The following MSI2 variants were observed in gnomAD, a reference collection of about 807,000 sequenced individuals.
MSI2 encodes the protein RNA-binding protein Musashi homolog 2.
Under a neutral mutation model 45.6 loss-of-function variants are expected in MSI2, and 17 were observed. That is an observed-to-expected ratio of 0.37 (90% CI 0.26 to 0.56). The LOEUF is 0.56. MSI2 is among the 20% of genes least tolerant of loss of function. MSI2 has a pLI of 0.77. For synonymous variants in MSI2, 156 were observed against 158.2 expected (o/e 0.99, Z 0.11); for missense variants, 293 against 444.2 (o/e 0.66, Z 3.06).
At chr17:57,319,627 G>A (rs1913160506) in intron 5 of MSI2, among the ~76,000 whole-genome samples, 4 of 152,070 alleles carry the variant, frequency 2.6e-5, no homozygotes, top group Admixed American at 2.6e-4. Context: ...GTAGGGGTTT[G>A]TTTTTGACAG....
chr17:57,297,758 A>G (rs1911104370), intron 5 of MSI2, among the ~76,000 whole-genome samples: 1 of 152,182 alleles, frequency 6.6e-6, no homozygotes, highest in African/African-American at 2.4e-5. Context: ...CTTTTAGGTA[A>G]TATTATTAAT....
intron 7 of MSI2, among the ~76,000 whole-genome samples, chr17:57,593,872 C>T (rs539400359): frequency 2.0e-5 from 3 of 152,264 alleles, no homozygotes; most frequent in Admixed American, 1.3e-4. Flanking sequence ...GAGAGGGAGA[C>T]GCTGTCCCTG....
intron 6 of MSI2, among the ~76,000 whole-genome samples, chr17:57,445,200 T>A (rs530814208): frequency 1.3e-5 from 2 of 152,248 alleles, no homozygotes; most frequent in Non-Finnish European, 2.9e-5. Flanking sequence ...GTTTGTGAAA[T>A]TTTTAGGAGA....
intron 6 of MSI2, among the ~76,000 whole-genome samples, chr17:57,475,075 G>A (rs955932626): frequency 6.6e-6 from 1 of 152,226 alleles, no homozygotes; most frequent in Non-Finnish European, 1.5e-5. Flanking sequence ...TGAGGTGCTT[G>A]ATCCAGTGTT....
chr17:57,351,636 A>T (rs1916038926), intron 5 of MSI2, among the ~76,000 whole-genome samples: 1 of 152,168 alleles, frequency 6.6e-6, no homozygotes. Flanking sequence ...TGAGTGGATC[A>T]TCTGAGGTCA....
chr17:57,271,917 GAT>G (rs1908412358), intron 5 of MSI2, among the ~76,000 whole-genome samples: 1 of 152,082 alleles, frequency 6.6e-6, no homozygotes, highest in Non-Finnish European at 1.5e-5. Context: ...CAAAGCTTTT[GAT>G]AGTTTCCTAA....
intron 7 of MSI2, among the ~76,000 whole-genome samples, chr17:57,558,045 A>T (rs2087479311): frequency 6.6e-6 from 1 of 152,176 alleles, no homozygotes; most frequent in Non-Finnish European, 1.5e-5. Flanking sequence ...GGCATCTCTC[A>T]TAACAGCCTC....
chr17:57,419,016 G>A (rs2084346284), intron 6 of MSI2, among the ~76,000 whole-genome samples: 1 of 152,144 alleles, frequency 6.6e-6, no homozygotes, highest in Admixed American at 6.5e-5. Flanking sequence ...TTTCTCCATT[G>A]TGGTCACGTG....
intron 6 of MSI2, among the ~76,000 whole-genome samples, chr17:57,427,053 G>A (rs1296675738): frequency 3.9e-5 from 6 of 152,206 alleles, no homozygotes; most frequent in Admixed American, 3.9e-4. Flanking sequence ...TTGCTTCGAA[G>A]GTTTCTCATT....
intron 6 of MSI2, among the ~76,000 whole-genome samples, chr17:57,490,092 C>A (rs887071043): frequency 6.6e-6 from 1 of 152,154 alleles, no homozygotes; most frequent in Non-Finnish European, 1.5e-5. Context: ...TCTCCCAGGG[C>A]AAGCTCTTTA....
intron 5 of MSI2, among the ~76,000 whole-genome samples, chr17:57,385,065 A>G (rs2083662076): frequency 6.6e-6 from 1 of 152,054 alleles, no homozygotes; most frequent in African/African-American, 2.4e-5. Context: ...TATGCAAATG[A>G]TCCTTGCTTT....
rs1233486285 is a variant in MSI2 at position 57,627,740 on chromosome 17, C to CTCCTG, written c.727+441_727+442insGTCCT. ...CGCCCTTGCTTCCTTTCCTCCACCC[C>CTCCTG]TCCTCCTCCTGCTCCGTCCTGACTG... On this transcript the variant is annotated intron_variant, in intron 10 of 13. Coordinates refer to ENST00000284073, the MANE Select transcript of MSI2 (RefSeq NM_138962.4). The surrounding 1 kb of genome is among the most constrained non-coding windows in gnomAD (Gnocchi z 4.6). The CTCCTG allele has an allele frequency of 4.7e-6, 1 of 213,278 alleles. No homozygotes were observed. Among genetic ancestry groups the CTCCTG allele is most frequent in the African/African-American group, 2.3e-5 (1 of 42,820 alleles). The allele number at this position is 213,278 out of a possible 1,614,324, so 13.2% of individuals were successfully genotyped here.
intron 5 of MSI2, among the ~76,000 whole-genome samples, chr17:57,281,384 A>G (rs1909405149): frequency 6.6e-6 from 1 of 152,192 alleles, no homozygotes; most frequent in African/African-American, 2.4e-5. Flanking sequence ...TGGTGGATTG[A>G]TAATCATACT....
rs368012542 is a variant in MSI2 at position 57,292,549 on chromosome 17, C to T, written c.312+30357C>T. Among the ~76,000 whole-genome samples the T allele has an allele frequency of 1.7e-3, 265 of 151,998 alleles. 1 individual carries two copies. Among genetic ancestry groups the T allele is most frequent in the African/African-American group, 6.0e-3 (248 of 41,486 alleles). On this transcript the variant is annotated intron_variant, in intron 5 of 13. Coordinates refer to ENST00000284073, the MANE Select transcript of MSI2 (RefSeq NM_138962.4). ...AGCCAGTACTTCCATCAGAACCCCT[C>T]GGGGGTGCTTGTTAGAAATGGAGGT... is the stretch of plus-strand genomic sequence containing the variant.
intron 6 of MSI2, among the ~76,000 whole-genome samples, chr17:57,421,581 T>A (rs754074324): frequency 3.3e-5 from 5 of 152,136 alleles, no homozygotes; most frequent in Non-Finnish European, 5.9e-5. Context: ...CAGTATACTT[T>A]TACTGAGACA....
At chr17:57,677,143 C>T (rs916888757) in intron 13 of MSI2, 84 bp downstream of exon 13, 2 of 939,396 alleles carry the variant, frequency 2.1e-6, no homozygotes, top group African/African-American at 3.2e-5. Flanking sequence ...ACGTGCGTGC[C>T]CCTGTCTCAT....
intron 7 of MSI2, among the ~76,000 whole-genome samples, chr17:57,549,590 T>C (rs1334782225): frequency 2.0e-5 from 3 of 152,218 alleles, no homozygotes; most frequent in African/African-American, 7.2e-5. Flanking sequence ...TGAATGAGAA[T>C]AGTCATTGTA....
chr17:57,314,862 G>A (rs4794720), intron 5 of MSI2, among the ~76,000 whole-genome samples: 77,005 of 151,948 alleles, frequency 0.51, 23,018 homozygotes, highest in Middle Eastern at 0.67. Flanking sequence ...GAACTCCTGC[G>A]CCCGGCCGCG....
intron 5 of MSI2, among the ~76,000 whole-genome samples, chr17:57,336,380 T>G (rs1445556325): frequency 6.6e-6 from 1 of 152,206 alleles, no homozygotes; most frequent in Non-Finnish European, 1.5e-5. Context: ...CATTCCCAGT[T>G]TTCTTCTTCT....
Sources: allele counts gnomAD v4.1 joint callset (sites outside exome capture counted in the v4.1 genomes callset), GRCh38; gene constraint gnomAD v4.1.1; non-coding constraint Gnocchi (gnomAD v3.1); transcripts MANE v1.5; gene names NCBI Gene and HGNC (gene_info 2026-07-23, HGNC 2026-07-21).